CYREN: variants seen among roughly 807,000 people sequenced by gnomAD.
CYREN encodes the protein cell cycle regulator of NHEJ, also known as cell cycle regulator of non-homologous end joining.
A neutral mutation model predicts 9.7 loss-of-function variants in CYREN; 7 were observed. The observed-to-expected ratio is 0.72, with a 90% confidence interval of 0.41 to 1.36. CYREN has a LOEUF of 1.36. Ranked by LOEUF, CYREN falls within the 40% of genes most tolerant of loss-of-function variation. The pLI is 0.01. For synonymous variants in CYREN, 76 were observed against 77.9 expected, an observed-to-expected ratio of 0.98 and a Z score of 0.13; for missense variants, 215 against 198.1, an observed-to-expected ratio of 1.09 and a Z score of -0.51.
At chr7:135,133,421 A>T (rs1163846355) in intron 2 of CYREN, among the ~76,000 whole-genome samples, 1 of 152,242 alleles carries the variant, frequency 6.6e-6, no homozygotes, top group African/African-American at 2.4e-5. Context: ...GTATATATAG[A>T]CAAGATTATT....
At chr7:135,156,469 T>C (rs1829796358) in intron 2 of CYREN, among the ~76,000 whole-genome samples, 1 of 152,012 alleles carries the variant, frequency 6.6e-6, no homozygotes, top group African/African-American at 2.4e-5. Flanking sequence ...TCTGAGATTC[T>C]TTCTTCTGCT....
chr7:135,168,619 G>A, intron 2 of CYREN, 167 bp downstream of exon 2: 2 of 1,084,052 alleles, frequency 1.8e-6, no homozygotes, highest in Non-Finnish European at 2.6e-6. Flanking sequence ...AACCCGCTTT[G>A]CCTCCCGCCC....
At chr7:135,139,899 A>G (rs925902021) in intron 2 of CYREN, among the ~76,000 whole-genome samples, 2 of 151,444 alleles carry the variant, frequency 1.3e-5, no homozygotes, top group African/African-American at 4.8e-5. Flanking sequence ...AACATTATAT[A>G]TGGGTTCTTT....
chr7:135,115,500 C>T lies in CYREN; in HGVS notation n.357-20918G>A, dbSNP rs1395594060. 9 of 1,551,280 alleles carry T rather than the reference C, an allele frequency of 5.8e-6. No homozygotes were observed. The highest frequency in any genetic ancestry group is 7.0e-6 in the Non-Finnish European group (8 of 1,146,708). On this transcript the variant is annotated intron_variant and non_coding_transcript_variant, in intron 2 of 2. Coordinates refer to the CYREN transcript ENST00000459937. Reference sequence around the variant, plus strand: ...TACAAGGATAAAGGAATAGTTCAAACTCAAGAAATATTGCAGTATTTGCTC... The same window carrying T: ...TACAAGGATAAAGGAATAGTTCAAATTCAAGAAATATTGCAGTATTTGCTC...
At chr7:135,143,452 T>A (rs1182273526) in intron 2 of CYREN, among the ~76,000 whole-genome samples, 1 of 152,178 alleles carries the variant, frequency 6.6e-6, no homozygotes, top group African/African-American at 2.4e-5. Context: ...GCAGACCTTA[T>A]TGCCTTCACA....
chr7:135,094,349 T>C, exon 3 of CYREN: 2 of 456,504 alleles, frequency 4.4e-6, no homozygotes, highest in South Asian at 3.1e-5. Flanking sequence ...GACAGACGAA[T>C]CCAGGGAGTC....
chr7:135,144,938 TAAAA>T (rs58443282), intron 2 of CYREN, among the ~76,000 whole-genome samples: 6,069 of 45,498 alleles, frequency 0.13, 70 homozygotes, highest in East Asian at 0.2. Context: ...CTCAAAAGAG[TAAAA>T]AAAAAAAAAA....
In CYREN at chr7:135,167,734, C is replaced by G; in HGVS notation, c.211G>C (p.Glu71Gln). 1.9e-6 allele frequency: 3 copies of G among 1,614,122 alleles called. No homozygotes were observed. The highest frequency in any genetic ancestry group is 2.5e-6 in the Non-Finnish European group (3 of 1,180,016). Residue 71 changes from glutamate to glutamine, a missense_variant and splice_region_variant, in exon 3 of 4, where the codon GAG (glutamate) becomes CAG (glutamine). Transcript: ENST00000393114. ...IVDVALGILI[E>Q]SRKQEKACEQ... ...GTAAGAGGCTTGTCTGACTTTACCT[C>G]AATCAGGATTCCCAGAGCAACATCA...
At chr7:135,167,251 T>C in intron 3 of CYREN, 1 of 1,083,684 alleles carries the variant, frequency 9.2e-7, no homozygotes, top group Non-Finnish European at 1.1e-6. Flanking sequence ...ATTGCAAGGC[T>C]AAAATGACAT....
chr7:135,106,566 C>T (rs934384682), intron 2 of CYREN, among the ~76,000 whole-genome samples: 1 of 152,226 alleles, frequency 6.6e-6, no homozygotes, highest in Non-Finnish European at 1.5e-5. Flanking sequence ...ATAAAGCCTA[C>T]TTGATCATGG....
rs375691684 is a variant in CYREN at position 135,167,743 on chromosome 7, T to C, written c.202A>G (p.Ile68Val). The C allele has an allele frequency of 2.2e-5, 36 of 1,614,048 alleles. No individual in the cohort carries two copies. The highest frequency in any genetic ancestry group is 2.5e-5 in the Non-Finnish European group (30 of 1,180,022). The change falls in exon 3 of 4, where the codon ATC (isoleucine) becomes GTC (valine). Residue 68 changes from isoleucine (I) to valine (V), a missense_variant. By Grantham distance (29) the Ile-to-Val change is conservative (BLOSUM62 3). Coordinates refer to ENST00000393114, the MANE Select transcript of CYREN (RefSeq NM_024033.4). ...EAEIVDVALG[I>V]LIESRKQEKA... ...TTGTCTGACTTTACCTCAATCAGGA[T>C]TCCCAGAGCAACATCAACTATCTCA...
intron 2 of CYREN, among the ~76,000 whole-genome samples, chr7:135,124,593 ACGT>A (rs1827598938): frequency 2.0e-5 from 3 of 152,358 alleles, no homozygotes; most frequent in African/African-American, 7.2e-5. Context: ...AACAGAATAT[ACGT>A]TCTTCTCTGT....
chr7:135,118,207 C>T (rs755088783), intron 2 of CYREN, among the ~76,000 whole-genome samples: 2 of 152,058 alleles, frequency 1.3e-5, no homozygotes, highest in African/African-American at 2.4e-5. Context: ...TTACTTGTAA[C>T]CAAAGAGGTC....
At chr7:135,109,311 C>G (rs527486474) in intron 2 of CYREN, among the ~76,000 whole-genome samples, 1 of 152,328 alleles carries the variant, frequency 6.6e-6, no homozygotes, top group East Asian at 1.9e-4. Flanking sequence ...CGGGTGAGGG[C>G]TGCAAGAGAG....
chr7:135,164,458 C>T (rs1238640189), downstream of CYREN: 3 of 1,599,818 alleles, frequency 1.9e-6, no homozygotes, highest in South Asian at 1.1e-5. Flanking sequence ...GGCCCAAGGC[C>T]TCGGTGGCGC....
chr7:135,147,163 C>A (rs748819575), intron 2 of CYREN, among the ~76,000 whole-genome samples: 92 of 152,264 alleles, frequency 6.0e-4, no homozygotes, highest in Middle Eastern at 3.4e-3. Flanking sequence ...GTACTGTTTC[C>A]ATTTTACAGA....
chr7:135,164,813 T>C (rs747593448), downstream of CYREN: 7 of 1,614,128 alleles, frequency 4.3e-6, no homozygotes, highest in Non-Finnish European at 5.9e-6. Flanking sequence ...CTGTGTCCTC[T>C]GTGCTGCTGG....
At chr7:135,096,775 GAAAGAA>G (rs1554516789) in intron 2 of CYREN, among the ~76,000 whole-genome samples, 1 of 148,656 alleles carries the variant, frequency 6.7e-6, no homozygotes, top group Admixed American at 6.7e-5. Flanking sequence ...AAGAAAGAAA[GAAAGAA>G]AGAAAGAAAG....
At chr7:135,098,320 T>G (rs1033143408) in intron 2 of CYREN, among the ~76,000 whole-genome samples, 1 of 152,202 alleles carries the variant, frequency 6.6e-6, no homozygotes, top group African/African-American at 2.4e-5. Context: ...ATATAACCTA[T>G]GCATATCCTC....
Sources: gnomAD v4.1 joint callset for allele counts (sites outside exome capture counted in the v4.1 genomes callset) on GRCh38, gnomAD v4.1.1 for gene constraint, MANE v1.5 for transcripts, NCBI Gene and HGNC (gene_info 2026-07-23, HGNC 2026-07-21) for gene names.